The following GABRB2 variants were observed in gnomAD, a reference collection of about 807,000 sequenced individuals.
The protein encoded by GABRB2 is gamma-aminobutyric acid receptor subunit beta-2.
GABRB2 carries 16 observed loss-of-function variants against 54.7 expected under a neutral mutation model. The ratio of observed to expected loss-of-function variants is 0.29; its 90% CI spans 0.20 to 0.44. The LOEUF is 0.44. Among genes scored for constraint, GABRB2 ranks in the 20% least tolerant of loss-of-function variants. The pLI is 1.00. For missense variants in GABRB2, 355 were observed against 644.0 expected (o/e 0.55, Z 4.86); for synonymous variants, 244 against 233.8 (o/e 1.04, Z -0.40).
At chr5:161,436,800 G>T (rs1757324374) in intron 4 of GABRB2, among the ~76,000 whole-genome samples, 1 of 152,152 alleles carries the variant, frequency 6.6e-6, no homozygotes, top group Admixed American at 6.5e-5. Flanking sequence ...CTGTCTTAGA[G>T]TAGTGCTGAG....
chr5:161,293,908 T>C lies in GABRB2; in HGVS notation c.*173A>G, dbSNP rs1191904916. 1 of 602,190 alleles carries C rather than the reference T, an allele frequency of 1.7e-6. No homozygotes were observed. The highest frequency in any genetic ancestry group is 3.0e-5 in the Admixed American group (1 of 33,706). 37.3% of individuals were successfully genotyped at this position (602,190 alleles called of 1,614,324 possible). On this transcript the variant is annotated 3_prime_UTR_variant, in exon 10 of 10. Transcript: ENST00000393959. ...AACCACAAGGACCTTAGTGTATTCATTACTTAGCAGAAGCAACCCAAATGG... is the reference window on the plus strand; with the variant it reads ...AACCACAAGGACCTTAGTGTATTCACTACTTAGCAGAAGCAACCCAAATGG...
intron 4 of GABRB2, among the ~76,000 whole-genome samples, chr5:161,452,665 C>T (rs1348308162): frequency 6.6e-6 from 1 of 152,118 alleles, no homozygotes; most frequent in African/African-American, 2.4e-5. Context: ...AGTATACAAA[C>T]CTGCACTTAT....
chr5:161,452,181 TTAA>T (rs1425132806), intron 4 of GABRB2, among the ~76,000 whole-genome samples: 1 of 152,202 alleles, frequency 6.6e-6, no homozygotes, highest in African/African-American at 2.4e-5. Flanking sequence ...TTTTGATTTC[TTAA>T]TAAATCAGGG....
chr5:161,502,653 G>C (rs181502080), intron 3 of GABRB2, among the ~76,000 whole-genome samples: 2 of 152,136 alleles, frequency 1.3e-5, no homozygotes, highest in East Asian at 3.9e-4. Context: ...ATTGAGGTTC[G>C]TAAACACCAC....
intron 4 of GABRB2, among the ~76,000 whole-genome samples, chr5:161,447,652 A>G (rs1757674385): frequency 6.6e-6 from 1 of 152,146 alleles, no homozygotes; most frequent in African/African-American, 2.4e-5. Context: ...TGGTTTTTCA[A>G]GGAAAAGCTT....
chr5:161,400,896 C>T (rs1023686687), intron 5 of GABRB2, among the ~76,000 whole-genome samples: 1 of 152,068 alleles, frequency 6.6e-6, no homozygotes, highest in African/African-American at 2.4e-5. Context: ...ATTCAACTTA[C>T]CCAGGTTTTA....
intron 5 of GABRB2, among the ~76,000 whole-genome samples, chr5:161,365,998 G>A (rs1754961419): frequency 6.6e-6 from 1 of 150,832 alleles, no homozygotes; most frequent in Non-Finnish European, 1.5e-5. Context: ...CCTGCACCTG[G>A]CAGATACTAT....
At chr5:161,351,849 C>T (rs1754480807) in intron 5 of GABRB2, among the ~76,000 whole-genome samples, 4 of 151,974 alleles carry the variant, frequency 2.6e-5, no homozygotes, top group Admixed American at 2.6e-4. Flanking sequence ...TCAAACAACT[C>T]AATAGCAAGA....
At chr5:161,327,942 G>C (rs1758418128) in intron 8 of GABRB2, among the ~76,000 whole-genome samples, 1 of 152,098 alleles carries the variant, frequency 6.6e-6, no homozygotes, top group Non-Finnish European at 1.5e-5. Flanking sequence ...CTGACACAAA[G>C]GACAGCACCG....
intron 3 of GABRB2, among the ~76,000 whole-genome samples, chr5:161,509,062 C>T (rs1759687763): frequency 6.6e-6 from 1 of 151,778 alleles, no homozygotes; most frequent in Admixed American, 6.6e-5. Flanking sequence ...AATGAGGCAA[C>T]ACTACATAAA....
chr5:161,343,288 C>T (rs115601352), intron 5 of GABRB2, among the ~76,000 whole-genome samples: 2,332 of 151,860 alleles, frequency 0.015, 26 homozygotes, highest in Non-Finnish European at 0.021. Context: ...GTAGGTCAGG[C>T]TTGATTATCT....
At chr5:161,382,919 A>G (rs2113486360) in intron 5 of GABRB2, among the ~76,000 whole-genome samples, 1 of 152,294 alleles carries the variant, frequency 6.6e-6, no homozygotes, top group Non-Finnish European at 1.5e-5. Flanking sequence ...TCCTCTGAGG[A>G]GAGGCTGCCA....
At chr5:161,370,703 T>A (rs749424208) in intron 5 of GABRB2, among the ~76,000 whole-genome samples, 4 of 152,160 alleles carry the variant, frequency 2.6e-5, no homozygotes, top group Non-Finnish European at 5.9e-5. Context: ...TTTAATAGTC[T>A]AGATACTTCA....
At chr5:161,371,715 G>C (rs1206554994) in intron 5 of GABRB2, among the ~76,000 whole-genome samples, 2 of 151,934 alleles carry the variant, frequency 1.3e-5, no homozygotes, top group Non-Finnish European at 2.9e-5. Context: ...TCATAAAAAT[G>C]TTGGGGTTTT....
chr5:161,306,086 G>A (rs1757682639), intron 9 of GABRB2, among the ~76,000 whole-genome samples: 2 of 151,910 alleles, frequency 1.3e-5, no homozygotes, highest in African/African-American at 4.8e-5. Flanking sequence ...GGTCGTTGGA[G>A]GACTCATGGT....
At chr5:161,307,479 A>C (rs933560740) in intron 9 of GABRB2, among the ~76,000 whole-genome samples, 1 of 152,124 alleles carries the variant, frequency 6.6e-6, no homozygotes, top group East Asian at 1.9e-4. Context: ...ACAGTTTCTT[A>C]AGTGTTGAGG....
intron 3 of GABRB2, among the ~76,000 whole-genome samples, chr5:161,483,690 A>G (rs1331390293): frequency 6.6e-6 from 1 of 152,056 alleles, no homozygotes; most frequent in Non-Finnish European, 1.5e-5. Flanking sequence ...TGTAACAGAA[A>G]GAGAGAAATC....
At chr5:161,470,476 TGCCAGAA>T (rs1758406019) in intron 3 of GABRB2, among the ~76,000 whole-genome samples, 1 of 151,956 alleles carries the variant, frequency 6.6e-6, no homozygotes, top group Admixed American at 6.6e-5. Flanking sequence ...TGTAACAATA[TGCCAGAA>T]GCTTTTCTCT....
chr5:161,412,397 G>T (rs543011706), intron 4 of GABRB2, among the ~76,000 whole-genome samples: 1 of 152,016 alleles, frequency 6.6e-6, no homozygotes, highest in African/African-American at 2.4e-5. Flanking sequence ...CTGCTGCACC[G>T]ATTCCTTACC....
Sources: allele counts gnomAD v4.1 joint callset (sites outside exome capture counted in the v4.1 genomes callset), GRCh38; gene constraint gnomAD v4.1.1; transcripts MANE v1.5; gene names NCBI Gene and HGNC (gene_info 2026-07-23, HGNC 2026-07-21).